Variants in TUBGCP2 observed in about 807,000 individuals in gnomAD.
The protein encoded by TUBGCP2 is tubulin gamma complex component 2, also known as gamma-tubulin complex component 2.
Under a neutral mutation model 92.2 loss-of-function variants are expected in TUBGCP2, and 55 were observed. That is an observed-to-expected ratio of 0.60 (90% confidence interval 0.48 to 0.75). The LOEUF (loss-of-function observed/expected upper bound fraction) is 0.75, where lower values mean the gene tolerates loss of function less well. Ranked by LOEUF, TUBGCP2 falls within the 30% of genes least tolerant of loss-of-function variation. The pLI is 0.00. For missense variants in TUBGCP2, 1,093 were observed against 1,188.9 expected (o/e 0.92, Z 1.19); for synonymous variants, 533 against 505.2 (o/e 1.06, Z -0.74).
chr10:133,279,256 G>C lies in TUBGCP2; in HGVS notation c.*510C>G, dbSNP rs2136104490. On this transcript the variant is annotated 3_prime_UTR_variant, in exon 18 of 18. Coordinates refer to ENST00000252936, the MANE Select transcript of TUBGCP2 (RefSeq NM_006659.4). The stretch of plus-strand genomic sequence containing the variant: ...CCAGTTGGAGCAGCAGCAGGAGGAG[G>C]GTCGTGGAGGCGGGTGAGTCCTCAG... The C allele has an allele frequency of 6.5e-6, 1 of 154,710 alleles. No individual in the cohort carries two copies. Among genetic ancestry groups the C allele is most frequent in the South Asian group, 1.8e-4 (1 of 5,590 alleles). The allele number at this position is 154,710 out of a possible 1,614,324, so 9.6% of individuals were successfully genotyped here. A position where few individuals can be genotyped will look rare whatever the true frequency, so the allele number is the denominator to read the frequency against.
At chr10:133,308,233 C>T (rs1297596758) in intron 1 of TUBGCP2, among the ~76,000 whole-genome samples, 1 of 152,206 alleles carries the variant, frequency 6.6e-6, no homozygotes, top group Non-Finnish European at 1.5e-5. Flanking sequence ...GTCTGTCTCT[C>T]CTACAAGGCT....
Position 133,285,238 on chromosome 10 carries a change from A to G in TUBGCP2, c.1896-25T>C. The G allele has an allele frequency of 6.2e-7, 1 of 1,610,166 alleles. No individual in the cohort carries two copies. Among genetic ancestry groups the G allele is most frequent in the Non-Finnish European group, 8.5e-7 (1 of 1,179,944 alleles). On this transcript the variant is annotated intron_variant, in intron 12 of 17. Coordinates refer to ENST00000252936, the MANE Select transcript of TUBGCP2 (RefSeq NM_006659.4). The surrounding 1 kb of genome is among the most constrained non-coding windows in gnomAD (Gnocchi z 6.8). ...CCTGCAAGAGACGTGGCGGCACCTC[A>G]GGTGGGCCTCCGTGACCGGCGGCGT... is the stretch of plus-strand genomic sequence containing the variant.
chr10:133,283,065 C>T lies in TUBGCP2; in HGVS notation c.2289+13G>A. The T allele has an allele frequency of 1.9e-6, 3 of 1,614,114 alleles. No individual in the cohort carries two copies. Among genetic ancestry groups the T allele is most frequent in the Non-Finnish European group, 2.5e-6 (3 of 1,179,996 alleles). On this transcript the variant is annotated intron_variant, in intron 15 of 17. Coordinates refer to ENST00000252936, the MANE Select transcript of TUBGCP2 (RefSeq NM_006659.4). The stretch of plus-strand genomic sequence containing the variant: ...CGCCTGCCCACCCGATGGTGCTACC[C>T]ACACCCACGCACCTGCATGCAGTTG...
At chr10:133,287,348 G>A (rs879264361) in intron 11 of TUBGCP2, among the ~76,000 whole-genome samples, 1 of 152,208 alleles carries the variant, frequency 6.6e-6, no homozygotes, top group Non-Finnish European at 1.5e-5. Context: ...CTGGGGAGGC[G>A]CAGGTGAAGG....
In TUBGCP2 at chr10:133,285,256, G is replaced by A. The variant is rs765635920; in HGVS notation, c.1896-43C>T. 5.3e-5 allele frequency: 85 copies of A among 1,607,552 alleles called. No individual in the cohort carries two copies. The highest frequency in any genetic ancestry group is 1.6e-4 in the African/African-American group (12 of 74,928). On this transcript the variant is annotated intron_variant, in intron 12 of 17. Coordinates refer to ENST00000252936, the MANE Select transcript of TUBGCP2 (RefSeq NM_006659.4). This position sits in a 1 kb window ranked among gnomAD's most constrained non-coding sequence, Gnocchi z 6.8. ...GCACCTCAGGTGGGCCTCCGTGACCGGCGGCGTCGTGGACACGGCGTCTGT... is the reference window on the plus strand; with the variant it reads ...GCACCTCAGGTGGGCCTCCGTGACCAGCGGCGTCGTGGACACGGCGTCTGT...
intron 11 of TUBGCP2, 94 bp downstream of exon 11, chr10:133,288,035 G>A: frequency 6.9e-7 from 1 of 1,453,630 alleles, no homozygotes; most frequent in South Asian, 1.4e-5. Flanking sequence ...CACCGGGACG[G>A]GGAGTGGGGG....
intron 15 of TUBGCP2, among the ~76,000 whole-genome samples, 155 bp from the exon 16 acceptor site, chr10:133,282,497 CTT>C (rs536480690): frequency 3.2e-3 from 481 of 152,322 alleles, no homozygotes; most frequent in African/African-American, 0.01. Flanking sequence ...GGGGAAATGA[CTT>C]ATCTGTGCCG....
chr10:133,283,728 T>TCG (rs374154137), intron 14 of TUBGCP2, among the ~76,000 whole-genome samples, 154 bp downstream of exon 14: 103,934 of 143,032 alleles, frequency 0.73, 39,120 homozygotes, highest in East Asian at 0.93. Flanking sequence ...TCTCCCGCAC[T>TCG]CCCTGCCTCT....
chr10:133,282,120 G>C (rs1036034310), intron 16 of TUBGCP2, 103 bp downstream of exon 16: 1 of 1,548,108 alleles, frequency 6.5e-7, no homozygotes, highest in Non-Finnish European at 8.7e-7. Flanking sequence ...AGGGGAGATG[G>C]AAGTAAAAGG....
intron 5 of TUBGCP2, among the ~76,000 whole-genome samples, chr10:133,295,023 T>C (rs1189462588): frequency 1.3e-5 from 2 of 152,194 alleles, no homozygotes; most frequent in Non-Finnish European, 2.9e-5. Context: ...TTCCACCATG[T>C]TGGCCTCATT....
chr10:133,297,270 C>T (rs1292543281), intron 5 of TUBGCP2: 3 of 331,436 alleles, frequency 9.1e-6, no homozygotes, highest in Non-Finnish European at 1.7e-5. Context: ...GGCGTGGTGG[C>T]GCCTGCAGTC....
intron 3 of TUBGCP2, 137 bp from the exon 4 acceptor site, chr10:133,299,740 G>T: frequency 1.1e-6 from 1 of 877,668 alleles, no homozygotes; most frequent in Non-Finnish European, 1.7e-6. Flanking sequence ...GCGTGCGACA[G>T]GCAGGAACTG....
At chr10:133,282,444 T>A in intron 15 of TUBGCP2, 102 bp from the exon 16 acceptor site, 2 of 1,438,698 alleles carry the variant, frequency 1.4e-6, no homozygotes, top group Non-Finnish European at 1.8e-6. Flanking sequence ...GCACCTCTGT[T>A]GTAGCCTGCG....
intron 1 of TUBGCP2, among the ~76,000 whole-genome samples, chr10:133,308,309 C>G (rs1481761245): frequency 1.3e-5 from 2 of 152,204 alleles, no homozygotes; most frequent in African/African-American, 4.8e-5. Context: ...CTGTGTTTCA[C>G]GGGAGCTGCG....
rs772307827 is a variant in TUBGCP2, at chr10:133,297,940, C to T, written c.616+12G>A. On this transcript the variant is annotated intron_variant, in intron 5 of 17. Transcript: ENST00000252936. ...CCTATCGGCAGAGCCCGGAAATCAACGCATCACGTACCTATCGGCAAAGCG... is the reference window on the plus strand; with the variant it reads ...CCTATCGGCAGAGCCCGGAAATCAATGCATCACGTACCTATCGGCAAAGCG... The T allele has an allele frequency of 2.0e-5, 32 of 1,610,144 alleles. No individual in the cohort carries two copies. Among genetic ancestry groups the T allele is most frequent in the South Asian group, 1.3e-4 (12 of 90,864 alleles).
chr10:133,279,566 A>T lies in TUBGCP2; in HGVS notation c.*200T>A. 1 of 749,840 alleles carries T rather than the reference A, an allele frequency of 1.3e-6. No individual in the cohort carries two copies. The highest frequency in any genetic ancestry group is 2.4e-5 in the South Asian group (1 of 41,794). The allele number at this position is 749,840 out of a possible 1,614,324, so 46.4% of individuals were successfully genotyped here. A position where few individuals can be genotyped will look rare whatever the true frequency, so the allele number is the denominator to read the frequency against. Reference sequence around the variant, plus strand: ...AAAAAGCAAACAGATTAGCAAATCCAGGGAGACATCCACCCTGCCTGGGCA... The same window carrying T: ...AAAAAGCAAACAGATTAGCAAATCCTGGGAGACATCCACCCTGCCTGGGCA... On this transcript the variant is annotated 3_prime_UTR_variant, in exon 18 of 18. Transcript: ENST00000252936.
intron 17 of TUBGCP2, among the ~76,000 whole-genome samples, chr10:133,280,870 G>T (rs111239039): frequency 0.19 from 26,580 of 142,890 alleles, 771 homozygotes; most frequent in East Asian, 0.37. Flanking sequence ...CTGAGCCGGG[G>T]CAGCACTGGG....
chr10:133,284,998 G>C, intron 13 of TUBGCP2, 87 bp downstream of exon 13: 6 of 1,500,002 alleles, frequency 4.0e-6, no homozygotes, highest in Non-Finnish European at 5.3e-6. Flanking sequence ...TGTCTACCAG[G>C]AGGGCACAAG....
At chr10:133,290,622 A>C (rs1414480793) in intron 8 of TUBGCP2, 1 of 152,260 alleles carries the variant, frequency 6.6e-6, no homozygotes, top group African/African-American at 2.4e-5. Flanking sequence ...ATTTGTCTTT[A>C]TCTGCACCCA....
Sources: gnomAD v4.1 joint callset for allele counts (sites outside exome capture counted in the v4.1 genomes callset) on GRCh38, gnomAD v4.1.1 for gene constraint, Gnocchi (gnomAD v3.1) non-coding constraint, MANE v1.5 for transcripts, NCBI Gene and HGNC (gene_info 2026-07-23, HGNC 2026-07-21) for gene names.